NTHL1: variants seen among roughly 807,000 people sequenced by gnomAD.
NTHL1 encodes the protein nth like DNA glycosylase 1, also known as endonuclease III-like protein 1.
Under a neutral mutation model 32.3 loss-of-function variants are expected in NTHL1, and 32 were observed. That is an observed-to-expected ratio of 0.99 (90% confidence interval 0.75 to 1.33). The LOEUF (loss-of-function observed/expected upper bound fraction) is 1.33, where lower values mean the gene tolerates loss of function less well. Ranked by LOEUF, NTHL1 falls within the 40% of genes most tolerant of loss-of-function variation. The pLI is 0.00. For missense variants in NTHL1, 501 were observed against 414.1 expected, an observed-to-expected ratio of 1.21 and a Z score of -1.82; for synonymous variants, 188 against 176.9, an observed-to-expected ratio of 1.06 and a Z score of -0.50.
At chr16:2,041,944 G>A in intron 4 of NTHL1, 1 of 437,970 alleles carries the variant, frequency 2.3e-6, no homozygotes, top group Non-Finnish European at 4.6e-6. Flanking sequence ...GTAGAGAGCG[G>A]GTTTCACCAC....
chr16:2,040,952 C>T (rs530274155), intron 4 of NTHL1, among the ~76,000 whole-genome samples: 5 of 152,322 alleles, frequency 3.3e-5, no homozygotes, highest in South Asian at 2.1e-4. Context: ...AGGGACACAG[C>T]GGGAGCATGC....
In NTHL1 at chr16:2,043,093, C is replaced by T. The variant is rs1161475643; in HGVS notation, c.685+474G>A. Among the ~76,000 whole-genome samples the T allele has an allele frequency of 1.3e-5, 2 of 149,680 alleles. No individual in the cohort carries two copies. The highest frequency in any genetic ancestry group is 6.7e-5 in the Admixed American group (1 of 14,990). ...ACTTCCTGCTCCTGGCCCTCTCTCT[C>T]GCATCATGGTTTTACAGATGCTGTT... On this transcript the variant is annotated intron_variant, in intron 4 of 5. Coordinates refer to ENST00000651570, the MANE Select transcript of NTHL1 (RefSeq NM_002528.7). This position sits in a 1 kb window ranked among gnomAD's most constrained non-coding sequence, Gnocchi z 4.4.
In NTHL1 at chr16:2,046,403, A is replaced by G. The variant is rs3211968; in HGVS notation, c.116-37T>C. The stretch of plus-strand genomic sequence containing the variant: ...ACCACGCAGTCCCTCTGGTGGGGCC[A>G]CAGGTGAAGGTAGGGTAGGGGTGCC... On this transcript the variant is annotated intron_variant, in intron 1 of 5. Transcript: ENST00000651570. 2,794 of 1,583,564 alleles carry G rather than the reference A, an allele frequency of 1.8e-3. 47 individuals carry two copies. The African/African-American group carries it at 0.033, about 19-fold the overall frequency.
intron 4 of NTHL1, among the ~76,000 whole-genome samples, chr16:2,042,467 TTGG>T (rs1054975090): frequency 2.0e-5 from 3 of 152,128 alleles, no homozygotes; most frequent in African/African-American, 7.2e-5. Context: ...CCCCCGGCCC[TTGG>T]TGGCCCTCTT....
chr16:2,044,720 T>G lies in NTHL1; in HGVS notation c.435A>C (p.Arg145=). 6.2e-7 allele frequency: 1 copy of G among 1,612,284 alleles called. No individual in the cohort carries two copies. The highest frequency in any genetic ancestry group is 2.2e-5 in the East Asian group (1 of 44,878). ...CCACCGTCAGGCCCCGCGCCCGCAG[T>G]CGCTGCATGGCGCCCGCCGTCACCT... ...KDQVTAGAMQ[R]LRARGLTVDS... The change falls in exon 3 of 6, where the codon CGA becomes CGC. Residue 145 remains arginine (R), a synonymous_variant. Transcript: ENST00000651570. This position sits in a 1 kb window ranked among gnomAD's most constrained non-coding sequence, Gnocchi z 5.0.
intron 1 of NTHL1, 93 bp downstream of exon 1, chr16:2,047,616 C>A (rs1397007376): frequency 2.7e-6 from 4 of 1,472,036 alleles, no homozygotes; most frequent in Middle Eastern, 2.4e-4. Context: ...AGCCCCTGCC[C>A]GCGCAGCTGG....
chr16:2,044,850 C>T lies in NTHL1; in HGVS notation c.355-50G>A. The T allele has an allele frequency of 1.3e-6, 2 of 1,526,952 alleles. No individual in the cohort carries two copies. The highest frequency in any genetic ancestry group is 8.8e-7 in the Non-Finnish European group (1 of 1,131,410). 94.6% of individuals were successfully genotyped at this position (1,526,952 alleles called of 1,614,324 possible). On this transcript the variant is annotated intron_variant, in intron 2 of 5. Transcript: ENST00000651570. This position sits in a 1 kb window ranked among gnomAD's most constrained non-coding sequence, Gnocchi z 5.0. ...GGGTGGCGGCGGGTCCTGGGTGATTCCCTGGCCAGGCTCCGCCCCCCGCCC... is the reference window on the plus strand; with the variant it reads ...GGGTGGCGGCGGGTCCTGGGTGATTTCCTGGCCAGGCTCCGCCCCCCGCCC...
intron 2 of NTHL1, 72 bp downstream of exon 2, chr16:2,046,056 C>T (rs1355508700): frequency 2.2e-6 from 3 of 1,366,406 alleles, no homozygotes; most frequent in African/African-American, 1.4e-5. Context: ...CAGCCAAAAG[C>T]CACCGGGTAG....
Position 2,044,492 on chromosome 16 carries a change from T to TGG in NTHL1, c.525+136_525+137dup. ...CGTCAGGCCTCAGGGCCCCACGGCC[T>TGG]GGGGGGGGCTTCAGGGGGACCCCCC... On this transcript the variant is annotated intron_variant, in intron 3 of 5. Coordinates refer to ENST00000651570, the MANE Select transcript of NTHL1 (RefSeq NM_002528.7). This position sits in a 1 kb window ranked among gnomAD's most constrained non-coding sequence, Gnocchi z 5.0. The TGG allele has an allele frequency of 4.6e-6, 5 of 1,094,222 alleles. No homozygotes were observed. Among genetic ancestry groups the TGG allele is most frequent in the Non-Finnish European group, 6.7e-6 (5 of 743,306 alleles). The allele number at this position is 1,094,222 out of a possible 1,614,324, so 67.8% of individuals were successfully genotyped here.
chr16:2,039,992 G>T lies in NTHL1; in HGVS notation c.847C>A (p.Leu283Met). 1 of 1,610,878 alleles carries T rather than the reference G, an allele frequency of 6.2e-7. No homozygotes were observed. Residue 283 changes from leucine (L) to methionine (M), a missense_variant, in exon 6 of 6, where the codon CTG becomes ATG. By Grantham distance (15) the Leu-to-Met change is conservative (BLOSUM62 2). Coordinates refer to ENST00000651570, the MANE Select transcript of NTHL1 (RefSeq NM_002528.7). ...GCGTGGCAGCGAGGGTGCACAGGCA[G>T]ACAGGTCTGCTGGCCGAAGCCCACC... ...LLVGFGQQTC[L>M]PVHPRCHACL...
intron 1 of NTHL1, chr16:2,047,284 C>T (rs1003422958): frequency 2.9e-5 from 7 of 240,948 alleles, no homozygotes; most frequent in Non-Finnish European, 5.0e-5. Flanking sequence ...ATAATAAGTG[C>T]CATGCCCTTT....
At position 2,047,711 on chromosome 16, in the gene NTHL1, G is replaced by A. The variant is rs202082304; in HGVS notation, c.113C>T (p.Ala38Val). ...CTCCAGCCACGGCGCGGCGCTACCTGCTGCAGCCTCTCTTCTCCGGAGAGG... is the reference window on the plus strand; with the variant it reads ...CTCCAGCCACGGCGCGGCGCTACCTACTGCAGCCTCTCTTCTCCGGAGAGG... ...PGPLRRREAA[A>V]EARKSHSPVK... Residue 38 changes from alanine to valine, a missense_variant and splice_region_variant, in exon 1 of 6, where the codon GCA (alanine) becomes GTA (valine). Transcript: ENST00000651570. 5.5e-4 allele frequency: 875 copies of A among 1,579,040 alleles called. 8 individuals are homozygous for A. The African/African-American group carries it at 9.5e-3, about 17-fold the overall frequency.
chr16:2,040,289 C>T (rs1366878969), intron 4 of NTHL1, 51 bp from the exon 5 acceptor site: 2 of 1,545,368 alleles, frequency 1.3e-6, no homozygotes, highest in South Asian at 2.2e-5. Flanking sequence ...CCAGCCTAGC[C>T]CGTGCCCCTC....
rs756403102 is a variant in NTHL1, at chr16:2,044,700, G to T, written c.455C>A (p.Thr152Lys). 2 of 1,612,210 alleles carry T rather than the reference G, an allele frequency of 1.2e-6. No individual in the cohort carries two copies. The highest frequency in any genetic ancestry group is 1.7e-6 in the Non-Finnish European group (2 of 1,179,930). Residue 152 changes from threonine (T) to lysine (K), a missense_variant, in exon 3 of 6, where the codon ACG becomes AAG. Thr to Lys is a moderately conservative substitution (Grantham distance 78). Transcript: ENST00000651570. The surrounding 1 kb of genome is among the most constrained non-coding windows in gnomAD (Gnocchi z 5.0). ...ATCTGTCTGCAGGATGCTGTCCACC[G>T]TCAGGCCCCGCGCCCGCAGTCGCTG... ...AMQRLRARGLTVDSILQTDDA... is the reference protein window; with the variant it reads ...AMQRLRARGLKVDSILQTDDA...
At position 2,047,757 on chromosome 16, in the gene NTHL1, C is replaced by T; in HGVS notation, c.67G>A (p.Gly23Arg). 2 of 1,586,658 alleles carry T rather than the reference C, an allele frequency of 1.3e-6. No individual in the cohort carries two copies. Among genetic ancestry groups the T allele is most frequent in the Non-Finnish European group, 1.7e-6 (2 of 1,172,270 alleles). ...AGAGGCCCGGGCTCCTCCCTACACC[C>T]CCGCGGCCCAGCCCCGGGTCCCAGG... The part of the protein sequence containing the change: ...RSLGPGAGPR[G>R]CREEPGPLRR... Residue 23 changes from glycine to arginine, a missense_variant, in exon 1 of 6, where the codon GGG becomes AGG. Gly to Arg is a moderately radical substitution (Grantham distance 125, BLOSUM62 -2). Transcript: ENST00000651570.
rs766868081 is a variant in NTHL1, at chr16:2,044,824, G to A, written c.355-24C>T. On this transcript the variant is annotated intron_variant, in intron 2 of 5. Transcript: ENST00000651570. This position sits in a 1 kb window ranked among gnomAD's most constrained non-coding sequence, Gnocchi z 5.0. ...ACCTGCTTGTGCAGTGACAGGGACC[G>A]GGGTGGCGGCGGGTCCTGGGTGATT... The A allele has an allele frequency of 4.1e-5, 64 of 1,571,522 alleles. No homozygotes were observed. Among genetic ancestry groups the A allele is most frequent in the Admixed American group, 2.4e-4 (13 of 55,118 alleles).
intron 1 of NTHL1, chr16:2,047,282 T>A: frequency 4.3e-6 from 1 of 230,426 alleles, no homozygotes; most frequent in South Asian, 5.1e-5. Context: ...ATATAATAAG[T>A]GCCATGCCCT....
chr16:2,046,365 T>C lies in NTHL1; in HGVS notation c.117A>G (p.Glu39=). Reference sequence around the variant, plus strand: ...TCACGGGGCTGTGGCTTTTCCTCGCTTCTGCAAAAAGCACCACGCAGTCCC... The same window carrying C: ...TCACGGGGCTGTGGCTTTTCCTCGCCTCTGCAAAAAGCACCACGCAGTCCC... ...GPLRRREAAA[E]ARKSHSPVKR... is the part of the protein sequence containing the mutation. Residue 39 remains glutamate (E), a splice_region_variant and synonymous_variant, in exon 2 of 6, where the codon GAA becomes GAG. Transcript: ENST00000651570. 6.2e-7 allele frequency: 1 copy of C among 1,604,102 alleles called. No individual in the cohort carries two copies. The highest frequency in any genetic ancestry group is 8.5e-7 in the Non-Finnish European group (1 of 1,173,578).
At chr16:2,042,094 C>T (rs527318124) in intron 4 of NTHL1, 145 of 455,942 alleles carry the variant, frequency 3.2e-4, no homozygotes, top group African/African-American at 2.7e-3. Flanking sequence ...TTTCGGGGAA[C>T]CCCTAGGAGG....
Sources: gnomAD v4.1 joint callset for allele counts (sites outside exome capture counted in the v4.1 genomes callset) on GRCh38, gnomAD v4.1.1 for gene constraint, Gnocchi (gnomAD v3.1) non-coding constraint, MANE v1.5 for transcripts, NCBI Gene and HGNC (gene_info 2026-07-23, HGNC 2026-07-21) for gene names.